WDR43: variants seen among roughly 807,000 people sequenced by gnomAD.
WDR43 encodes the protein WD repeat-containing protein 43.
Under a neutral mutation model 91.4 loss-of-function variants are expected in WDR43, and 13 were observed. That is an observed-to-expected ratio of 0.14 (90% CI 0.09 to 0.23). WDR43 has a LOEUF of 0.23. Among genes scored for constraint, WDR43 ranks in the 10% least tolerant of loss-of-function variants. The pLI is 1.00. For synonymous variants in WDR43, 331 were observed against 287.9 expected (o/e 1.15, Z -1.51); for missense variants, 780 against 809.4 (o/e 0.96, Z 0.44).
chr2:28,923,166 T>C (rs1671068632), intron 7 of WDR43, among the ~76,000 whole-genome samples, 183 bp downstream of exon 7: 1 of 152,208 alleles, frequency 6.6e-6, no homozygotes, highest in Non-Finnish European at 1.5e-5. Flanking sequence ...ATTTATATAT[T>C]TGTGATTAGG....
intron 1 of WDR43, among the ~76,000 whole-genome samples, chr2:28,899,446 GA>G (rs1267968482): frequency 1.3e-5 from 2 of 152,292 alleles, no homozygotes; most frequent in East Asian, 3.9e-4. Flanking sequence ...CCTTCCAAGT[GA>G]AGGAAAAGCA....
chr2:28,928,385 A>G (rs1163559918), intron 10 of WDR43, among the ~76,000 whole-genome samples: 1 of 152,172 alleles, frequency 6.6e-6, no homozygotes, highest in Non-Finnish European at 1.5e-5. Flanking sequence ...GGTGGGGATA[A>G]CATAGCTTCA....
At chr2:28,901,874 C>G in intron 1 of WDR43, 113 bp from the exon 2 acceptor site, 1 of 1,065,356 alleles carries the variant, frequency 9.4e-7, no homozygotes, top group Non-Finnish European at 1.3e-6. Flanking sequence ...TAGCTTCTCT[C>G]TTCCCCCCTT....
Position 28,937,037 on chromosome 2 carries a change from A to G in WDR43, c.1556+84A>G, listed in dbSNP as rs1056962994. 3 of 1,343,904 alleles carry G rather than the reference A, an allele frequency of 2.2e-6. No homozygotes were observed. In the Middle Eastern group the frequency reaches 6.4e-4, roughly 285 times the overall value. 83.2% of individuals were successfully genotyped at this position (1,343,904 alleles called of 1,614,324 possible). On this transcript the variant is annotated intron_variant, in intron 13 of 17. Coordinates refer to ENST00000407426, the MANE Select transcript of WDR43 (RefSeq NM_015131.3). The stretch of plus-strand genomic sequence containing the variant: ...AGGTGGTTCTGATTTCTAACTAATA[A>G]AACTCTTTCAGTGTCAAATATTAAC...
At chr2:28,900,108 T>G (rs897500748) in intron 1 of WDR43, among the ~76,000 whole-genome samples, 1 of 152,218 alleles carries the variant, frequency 6.6e-6, no homozygotes, top group Non-Finnish European at 1.5e-5. Flanking sequence ...GGACCTGTCT[T>G]TGTTTCACAC....
rs1400943104 is a variant in WDR43, at chr2:28,927,719, C to T, written c.1305+19C>T. On this transcript the variant is annotated intron_variant, in intron 10 of 17. Transcript: ENST00000407426. ...AAATGAGGTAATGCAACTGCTTTGA[C>T]CATATATTTGAGTTTGTGATTTAAA... The T allele has an allele frequency of 3.1e-6, 5 of 1,613,032 alleles. No homozygotes were observed. The highest frequency in any genetic ancestry group is 4.2e-6 in the Non-Finnish European group (5 of 1,179,420).
At chr2:28,935,226 A>G (rs375956151) in intron 11 of WDR43, among the ~76,000 whole-genome samples, 2 of 152,224 alleles carry the variant, frequency 1.3e-5, no homozygotes, top group South Asian at 2.1e-4. Context: ...AAAGTGGCAT[A>G]TGTCTGTATT....
chr2:28,935,935 C>G (rs1047206013), intron 12 of WDR43, among the ~76,000 whole-genome samples: 2 of 152,024 alleles, frequency 1.3e-5, no homozygotes, highest in Admixed American at 6.6e-5. Flanking sequence ...TGTAAACACC[C>G]CAAACATAAA....
intron 3 of WDR43, among the ~76,000 whole-genome samples, chr2:28,911,948 A>C (rs929384539): frequency 1.1e-4 from 17 of 152,214 alleles, no homozygotes; most frequent in Admixed American, 7.8e-4. Flanking sequence ...TTATAAGTGA[A>C]TAGCCAAGTT....
intron 11 of WDR43, 102 bp downstream of exon 11, chr2:28,929,812 C>A: frequency 8.1e-7 from 1 of 1,229,076 alleles, no homozygotes; most frequent in Non-Finnish European, 1.1e-6. Flanking sequence ...GTTACAGAGC[C>A]ATTTGGAATG....
chr2:28,947,668 C>A lies in WDR43; in HGVS notation c.*889C>A, dbSNP rs1020023230. The A allele has an allele frequency of 6.6e-6, 1 of 151,566 alleles. No homozygotes were observed. The highest frequency in any genetic ancestry group is 1.5e-5 in the Non-Finnish European group (1 of 67,886). The allele number at this position is 151,566 out of a possible 1,614,324, so 9.4% of individuals were successfully genotyped here. On this transcript the variant is annotated 3_prime_UTR_variant, in exon 18 of 18. Transcript: ENST00000407426. ...CTTTGGTTTTAGATATTAATGATAA[C>A]CTTGTTGGAATTTTTTTTCCAAAGA...
intron 6 of WDR43, 119 bp downstream of exon 6, chr2:28,918,114 A>G: frequency 1.2e-6 from 1 of 817,422 alleles, no homozygotes; most frequent in Non-Finnish European, 1.9e-6. Flanking sequence ...GTAACAACAA[A>G]CTGTAACAAA....
intron 5 of WDR43, 30 bp downstream of exon 5, chr2:28,914,238 G>A (rs768827568): frequency 7.5e-6 from 12 of 1,596,752 alleles, no homozygotes; most frequent in South Asian, 3.4e-5. Flanking sequence ...TTGGGAGGTA[G>A]CATTGAAAGA....
At chr2:28,906,662 G>A in intron 3 of WDR43, 81 bp downstream of exon 3, 2 of 1,438,944 alleles carry the variant, frequency 1.4e-6, no homozygotes, top group Non-Finnish European at 1.8e-6. Flanking sequence ...CATTAATAAG[G>A]TTATAGGTTC....
intron 3 of WDR43, among the ~76,000 whole-genome samples, chr2:28,907,251 G>A (rs774929450): frequency 6.6e-6 from 1 of 152,152 alleles, no homozygotes; most frequent in African/African-American, 2.4e-5. Context: ...TGGTCCTGCA[G>A]CTGCCAGAGA....
At chr2:28,933,126 G>A (rs535301413) in intron 11 of WDR43, among the ~76,000 whole-genome samples, 11 of 152,082 alleles carry the variant, frequency 7.2e-5, no homozygotes, top group Admixed American at 4.6e-4. Flanking sequence ...AGCCACCTTC[G>A]TAGAAATTGA....
In WDR43 at chr2:28,936,968, G is replaced by A. The variant is rs1467656474; in HGVS notation, c.1556+15G>A. The A allele has an allele frequency of 6.4e-7, 1 of 1,563,854 alleles. No homozygotes were observed. Among genetic ancestry groups the A allele is most frequent in the South Asian group, 1.2e-5 (1 of 84,334 alleles). ...CATCCTAATAGGTAAGATTAAACAGGTGACTTAAAAACAGTGTTGTCTGAC... is the reference window on the plus strand; with the variant it reads ...CATCCTAATAGGTAAGATTAAACAGATGACTTAAAAACAGTGTTGTCTGAC... On this transcript the variant is annotated intron_variant, in intron 13 of 17. Transcript: ENST00000407426.
chr2:28,911,712 GTC>G (rs60236801), intron 3 of WDR43, among the ~76,000 whole-genome samples: 40,182 of 151,594 alleles, frequency 0.27, 6,477 homozygotes, highest in East Asian at 0.77. Context: ...GCTCATTGCA[GTC>G]TCTGCCTCCT....
At chr2:28,927,029 C>T (rs773745194) in intron 9 of WDR43, 15 of 517,236 alleles carry the variant, frequency 2.9e-5, no homozygotes, top group South Asian at 1.3e-4. Context: ...ATGTAGGGGA[C>T]GTGTTTCGTG....
Sources: allele counts gnomAD v4.1 joint callset (sites outside exome capture counted in the v4.1 genomes callset), GRCh38; gene constraint gnomAD v4.1.1; transcripts MANE v1.5; gene names NCBI Gene and HGNC (gene_info 2026-07-23, HGNC 2026-07-21).